Variants in BSG observed in about 807,000 individuals in gnomAD.
BSG encodes basigin (Ok blood group).
BSG carries 37 observed loss-of-function variants against 43.1 expected under a neutral mutation model. The ratio of observed to expected loss-of-function variants is 0.86; its 90% CI spans 0.66 to 1.13. The LOEUF is 1.13. Among genes scored for constraint, BSG ranks in the 50% most tolerant of loss-of-function variants. The pLI, the probability that BSG is intolerant of heterozygous loss-of-function variation, is 0.00. For missense variants in BSG, 599 were observed against 554.2 expected, an observed-to-expected ratio of 1.08 and a Z score of -0.81; for synonymous variants, 309 against 238.7, an observed-to-expected ratio of 1.29 and a Z score of -2.72.
At chr19:578,286 G>GGCTC in intron 2 of BSG, 165 bp downstream of exon 2, 1 of 696,058 alleles carries the variant, frequency 1.4e-6, no homozygotes, top group Non-Finnish European at 2.2e-6. Context: ...GAAGGGGGTG[G>GGCTC]GCTCGCCGCC....
chr19:583,333 G>C lies in BSG; in HGVS notation c.*589G>C, dbSNP rs1202938577. ...TGCATCCGGGGGCAGCTCTGGAGGGGGTTTGCTGGGGAACTGGCGCCATCG... is the reference window on the plus strand; with the variant it reads ...TGCATCCGGGGGCAGCTCTGGAGGGCGTTTGCTGGGGAACTGGCGCCATCG... On this transcript the variant is annotated 3_prime_UTR_variant, in exon 9 of 9. Transcript: ENST00000333511. 1 of 152,396 alleles carries C rather than the reference G, an allele frequency of 6.6e-6. No homozygotes were observed. The highest frequency in any genetic ancestry group is 1.5e-5 in the Non-Finnish European group (1 of 68,210). The allele number at this position is 152,396 out of a possible 1,614,324, so 9.4% of individuals were successfully genotyped here. A position where few individuals can be genotyped will look rare whatever the true frequency, so the allele number is the denominator to read the frequency against.
chr19:571,542 C>A, upstream of BSG: 2 of 779,596 alleles, frequency 2.6e-6, no homozygotes, highest in South Asian at 2.7e-5. Context: ...TCCTGAGGCC[C>A]CCACAATGAA....
In BSG at chr19:576,900, C is replaced by T. The variant is rs1464096548; in HGVS notation, c.68-874C>T. Among the ~76,000 whole-genome samples the T allele has an allele frequency of 2.6e-5, 4 of 152,318 alleles. 1 individual carries two copies. In the South Asian group the frequency reaches 6.2e-4, roughly 24 times the overall value. ...TGACCTGTGCACTGCCACGCAGCCT[C>T]GGAGCCGTGTGCACGCATATGCACG... is the stretch of plus-strand genomic sequence containing the variant. On this transcript the variant is annotated intron_variant, in intron 1 of 8. Transcript: ENST00000333511.
In BSG at chr19:577,762, C is replaced by T. The variant is rs1981900585; in HGVS notation, c.68-12C>T. The T allele has an allele frequency of 1.4e-6, 2 of 1,397,996 alleles. No homozygotes were observed. Among genetic ancestry groups the T allele is most frequent in the Non-Finnish European group, 9.3e-7 (1 of 1,075,372 alleles). The allele number at this position is 1,397,996 out of a possible 1,614,324, so 86.6% of individuals were successfully genotyped here. On this transcript the variant is annotated splice_polypyrimidine_tract_variant and intron_variant, in intron 1 of 8. Transcript: ENST00000333511. ...AGGCACTAACAAGACCCCACGCGTG[C>T]TCTCCCCACAGCCGGCTTCGTCCAG...
Position 578,066 on chromosome 19 carries a change from C to T in BSG, c.360C>T (p.Thr120=). The T allele has an allele frequency of 6.2e-7, 1 of 1,608,668 alleles. No homozygotes were observed. The highest frequency in any genetic ancestry group is 2.2e-5 in the East Asian group (1 of 44,754). Residue 120 remains threonine, a synonymous_variant, in exon 2 of 9, where the codon ACC becomes ACT. Transcript: ENST00000333511. Reference sequence around the variant, plus strand: ...ACGACCCGGATCGCAACCACCTGACCCGGGCGCCCAGGGTCAAGTGGGTCC... The same window carrying T: ...ACGACCCGGATCGCAACCACCTGACTCGGGCGCCCAGGGTCAAGTGGGTCC... ...ASNDPDRNHL[T]RAPRVKWVRA...
chr19:579,415 A>T, intron 2 of BSG, 85 bp from the exon 3 acceptor site: 1 of 1,563,874 alleles, frequency 6.4e-7, no homozygotes. Flanking sequence ...CTTCCCGGGG[A>T]GGAGCCGCAG....
Position 580,645 on chromosome 19 carries a change from G to C in BSG, c.656-1G>C. 6.2e-7 allele frequency: 1 copy of C among 1,612,770 alleles called. No individual in the cohort carries two copies. The highest frequency in any genetic ancestry group is 8.5e-7 in the Non-Finnish European group (1 of 1,179,930). On this transcript the variant is annotated splice_acceptor_variant, in intron 4 of 8. Transcript: ENST00000333511. LOFTEE classifies it high-confidence loss of function. ...GCTCCTCTCTCTCACCCTCCTGTCA[G>C]GGCCTCCCAGAGTGAAGGCTGTGAA...
intron 3 of BSG, 81 bp downstream of exon 3, chr19:579,737 C>A: frequency 6.6e-7 from 1 of 1,523,698 alleles, no homozygotes; most frequent in Admixed American, 2.1e-5. Context: ...TCCGTGAGAA[C>A]AAAAGACCGG....
Position 572,633 on chromosome 19 carries a change from T to A in BSG, c.-2T>A. 1.3e-6 allele frequency: 2 copies of A among 1,498,708 alleles called. No homozygotes were observed. The highest frequency in any genetic ancestry group is 1.8e-6 in the Non-Finnish European group (2 of 1,121,794). 92.8% of individuals were successfully genotyped at this position (1,498,708 alleles called of 1,614,324 possible). ...TTGTAGGACCGGCGAGGAATAGGAATCATGGCGGCTGCGCTGTTCGTGCTG... is the reference window on the plus strand; with the variant it reads ...TTGTAGGACCGGCGAGGAATAGGAAACATGGCGGCTGCGCTGTTCGTGCTG... On this transcript the variant is annotated 5_prime_UTR_variant, in exon 1 of 9. Transcript: ENST00000333511.
chr19:572,940 C>G (rs1427298112), intron 1 of BSG, among the ~76,000 whole-genome samples: 1 of 112,774 alleles, frequency 8.9e-6, no homozygotes, highest in Non-Finnish European at 1.8e-5. Context: ...GCGCTCCGGC[C>G]TCGAGCCCGG....
At chr19:580,045 TG>T (rs1384969457) in intron 3 of BSG, 1 of 411,530 alleles carries the variant, frequency 2.4e-6, no homozygotes, top group African/African-American at 2.0e-5. Flanking sequence ...TTGTCATAAC[TG>T]GGGCTGGGAC....
Position 583,014 on chromosome 19 carries a change from A to G in BSG, c.*270A>G, listed in dbSNP as rs1158361113. 1 of 189,164 alleles carries G rather than the reference A, an allele frequency of 5.3e-6. No homozygotes were observed. Among genetic ancestry groups the G allele is most frequent in the Non-Finnish European group, 1.1e-5 (1 of 89,718 alleles). The allele number at this position is 189,164 out of a possible 1,614,324, so 11.7% of individuals were successfully genotyped here. A position where few individuals can be genotyped will look rare whatever the true frequency, so the allele number is the denominator to read the frequency against. On this transcript the variant is annotated 3_prime_UTR_variant, in exon 9 of 9. Transcript: ENST00000333511. ...GGCTTTCAGCCTCTGGGTCTGAGTC[A>G]TGGCCGGGTGGGCGGCACAGCCTTC...
chr19:582,205 C>T (rs908768792), intron 6 of BSG, 101 bp from the exon 7 acceptor site: 3 of 1,516,298 alleles, frequency 2.0e-6, no homozygotes, highest in South Asian at 1.2e-5. Flanking sequence ...TCACTGAGGG[C>T]AGGGCTGGCA....
chr19:582,683 G>A, intron 8 of BSG, 67 bp from the exon 9 acceptor site: 5 of 1,290,516 alleles, frequency 3.9e-6, no homozygotes, highest in East Asian at 2.6e-5. Flanking sequence ...CCAGGTGTGG[G>A]CTCCTGGGTC....
chr19:573,423 A>T (rs1211020193), intron 1 of BSG, among the ~76,000 whole-genome samples: 1 of 152,224 alleles, frequency 6.6e-6, no homozygotes, highest in African/African-American at 2.4e-5. Context: ...CTCCAAGAGC[A>T]CATGGAGGCT....
chr19:578,183 C>T lies in BSG; in HGVS notation c.415+62C>T, dbSNP rs372913235. 2.7e-5 allele frequency: 38 copies of T among 1,423,784 alleles called. No individual in the cohort carries two copies. In the East Asian group the frequency reaches 3.0e-4, roughly 11 times the overall value. 88.2% of individuals were successfully genotyped at this position (1,423,784 alleles called of 1,614,324 possible). A position where few individuals can be genotyped will look rare whatever the true frequency, so the allele number is the denominator to read the frequency against. The stretch of plus-strand genomic sequence containing the variant: ...TTTCCCTCCTGTGCCGCTCGCCTCC[C>T]GGCTCCTGCTCAGTAGAACCCAGAC... On this transcript the variant is annotated intron_variant, in intron 2 of 8. Transcript: ENST00000333511.
upstream of BSG, chr19:572,353 T>G: frequency 9.4e-7 from 1 of 1,061,698 alleles, no homozygotes; most frequent in Non-Finnish European, 1.1e-6. Context: ...ATGCGCAGGC[T>G]CCAGCCGCGT....
intron 2 of BSG, among the ~76,000 whole-genome samples, chr19:578,440 C>T (rs1009693993): frequency 1.1e-4 from 17 of 152,276 alleles, no homozygotes; most frequent in African/African-American, 3.9e-4. Flanking sequence ...CCTCCCTGAG[C>T]GTCCATACTG....
At chr19:572,527 G>T (rs1479865746), upstream of BSG, 9 of 1,258,488 alleles carry the variant, frequency 7.2e-6, no homozygotes, top group Admixed American at 8.2e-5. Flanking sequence ...CCCCCGAGAT[G>T]ACGCCGTGCG....
Sources: allele counts gnomAD v4.1 joint callset (sites outside exome capture counted in the v4.1 genomes callset), GRCh38; gene constraint gnomAD v4.1.1; transcripts MANE v1.5; gene names NCBI Gene and HGNC (gene_info 2026-07-23, HGNC 2026-07-21).